DYRK1B: variants seen among roughly 807,000 people sequenced by gnomAD.
DYRK1B encodes the protein dual specificity tyrosine phosphorylation regulated kinase 1B, also known as dual specificity tyrosine-phosphorylation-regulated kinase 1B.
In DYRK1B, 20 loss-of-function variants were observed where a neutral mutation model predicts 57.1. That is an observed-to-expected ratio of 0.35 (90% CI 0.25 to 0.51). DYRK1B has a LOEUF of 0.51. Among genes scored for constraint, DYRK1B ranks in the 20% least tolerant of loss-of-function variants. The pLI is 0.96. For missense variants in DYRK1B, 732 were observed against 886.3 expected (o/e 0.83, Z 2.21); for synonymous variants, 409 against 384.7 (o/e 1.06, Z -0.74).
Position 39,832,087 on chromosome 19 carries a change from A to C in DYRK1B, c.-101-119T>G, listed in dbSNP as rs1332461122. On this transcript the variant is annotated intron_variant, in intron 1 of 10. Coordinates refer to ENST00000323039, the MANE Select transcript of DYRK1B (RefSeq NM_004714.3). Reference sequence around the variant, plus strand: ...ACAGAGAGAAGAGGAAAAGGGCACAACGGAGCAGCAGATAGCAATGAAGAG... The same window carrying C: ...ACAGAGAGAAGAGGAAAAGGGCACACCGGAGCAGCAGATAGCAATGAAGAG... The C allele has an allele frequency of 4.4e-6, 5 of 1,145,604 alleles. No homozygotes were observed. The Admixed American group carries it at 1.1e-4, about 25-fold the overall frequency. The allele number at this position is 1,145,604 out of a possible 1,614,324, so 71.0% of individuals were successfully genotyped here.
At chr19:39,827,198 A>T in intron 8 of DYRK1B, 87 bp downstream of exon 8, 1 of 1,484,618 alleles carries the variant, frequency 6.7e-7, no homozygotes, top group Non-Finnish European at 9.1e-7. Flanking sequence ...AGGGAAAGAC[A>T]CAAGGGAGAG....
At position 39,828,289 on chromosome 19, in the gene DYRK1B, C is replaced by A. The variant is rs763375868; in HGVS notation, c.807+8G>T. The A allele has an allele frequency of 1.2e-6, 2 of 1,613,532 alleles. No individual in the cohort carries two copies. Among genetic ancestry groups the A allele is most frequent in the East Asian group, 2.2e-5 (1 of 44,880 alleles). ...TAGCCGTGCTCCCAGGACCGGGCCG[C>A]CCCCTACCCTCTGGCCAAGCTGGCA... On this transcript the variant is annotated splice_region_variant and intron_variant, in intron 6 of 10. Transcript: ENST00000323039. This position sits in a 1 kb window ranked among gnomAD's most constrained non-coding sequence, Gnocchi z 4.3.
chr19:39,829,524 GC>G (rs1031812982), intron 5 of DYRK1B, among the ~76,000 whole-genome samples: 88 of 152,284 alleles, frequency 5.8e-4, no homozygotes, highest in Middle Eastern at 3.4e-3. Context: ...ACTGTGCCCA[GC>G]CCGTTTTGTT....
At chr19:39,833,451 C>T in intron 1 of DYRK1B, 2 of 604,126 alleles carry the variant, frequency 3.3e-6, no homozygotes, top group Non-Finnish European at 4.2e-6. Context: ...ACAACAGCAG[C>T]CGCCACTGCC....
Position 39,827,295 on chromosome 19 carries a change from T to A in DYRK1B, c.1085A>T (p.Glu362Val), listed in dbSNP as rs775029488. 2 of 1,611,048 alleles carry A rather than the reference T, an allele frequency of 1.2e-6. No homozygotes were observed. The highest frequency in any genetic ancestry group is 3.3e-5 in the Admixed American group (2 of 59,926). The change falls in exon 8 of 11, where the codon GAA (glutamate) becomes GTA (valine). Residue 362 changes from glutamate to valine, a missense_variant. Coordinates refer to ENST00000323039, the MANE Select transcript of DYRK1B (RefSeq NM_004714.3). ...GGGWTLRRTKELRKDYQGPGT... is the reference protein window; with the variant it reads ...GGGWTLRRTKVLRKDYQGPGT... ...GGGCAGGGGCCGCACCTTCCTGAGT[T>A]CTTTCGTCCTTCGTAGGGTCCAGCC...
chr19:39,833,348 C>A, intron 1 of DYRK1B: 1 of 985,510 alleles, frequency 1.0e-6, no homozygotes, highest in Non-Finnish European at 1.2e-6. Flanking sequence ...GCCAGCATGG[C>A]GGCGGTGGCG....
Position 39,827,226 on chromosome 19 carries a change from C to G in DYRK1B, c.1095+59G>C, listed in dbSNP as rs1968583201. 2.6e-6 allele frequency: 4 copies of G among 1,550,120 alleles called. No individual in the cohort carries two copies. The Admixed American group carries it at 5.5e-5, about 21-fold the overall frequency. ...AGGGAGAGGGAGCAGGGGGAGAGAG[C>G]CCCAAGTGTGAGTGAGGGGCCACGG... On this transcript the variant is annotated intron_variant, in intron 8 of 10. Coordinates refer to ENST00000323039, the MANE Select transcript of DYRK1B (RefSeq NM_004714.3).
chr19:39,825,988 C>T lies in DYRK1B; in HGVS notation c.1617G>A (p.Gly539=). 1 of 1,524,046 alleles carries T rather than the reference C, an allele frequency of 6.6e-7. No individual in the cohort carries two copies. Among genetic ancestry groups the T allele is most frequent in the Non-Finnish European group, 8.8e-7 (1 of 1,138,216 alleles). The allele number at this position is 1,524,046 out of a possible 1,614,324, so 94.4% of individuals were successfully genotyped here. The change falls in exon 11 of 11, where the codon GGG becomes GGA. Residue 539 remains glycine, a synonymous_variant. Transcript: ENST00000323039. ...ATCGGGGCTGGGGGGGTAACTGGGCCCCGGTCCCAGGCAGTGACGAGGCAG... is the reference window on the plus strand; with the variant it reads ...ATCGGGGCTGGGGGGGTAACTGGGCTCCGGTCCCAGGCAGTGACGAGGCAG... ...PASASSLPGT[G]AQLPPQPRYL... is the part of the protein sequence containing the mutation.
rs76809690 is a variant in DYRK1B, at chr19:39,832,541, A to C, written c.-101-573T>G. 3.3e-3 allele frequency among the ~76,000 whole-genome samples: 503 copies of C among 152,104 alleles called. 1 individual carries two copies. The highest frequency in any genetic ancestry group is 0.012 in the African/African-American group (478 of 41,482). Reference sequence around the variant, plus strand: ...AAACCACATGAGTCTTCCCCTCCCAAACCACAGCAGAGTCCTCTGCAGCCC... The same window carrying C: ...AAACCACATGAGTCTTCCCCTCCCACACCACAGCAGAGTCCTCTGCAGCCC... On this transcript the variant is annotated intron_variant, in intron 1 of 10. Coordinates refer to ENST00000323039, the MANE Select transcript of DYRK1B (RefSeq NM_004714.3).
chr19:39,830,269 G>T, intron 4 of DYRK1B, 106 bp downstream of exon 4: 1 of 1,432,538 alleles, frequency 7.0e-7, no homozygotes, highest in Non-Finnish European at 9.7e-7. Flanking sequence ...GAAACTAAGT[G>T]GGCTAGGGTG....
Position 39,826,150 on chromosome 19 carries a change from C to A in DYRK1B, c.1518+30G>T. On this transcript the variant is annotated intron_variant, in intron 10 of 10. Transcript: ENST00000323039. The surrounding 1 kb of genome is among the most constrained non-coding windows in gnomAD (Gnocchi z 6.3). ...GTCTCTAAGCCCCAGGCACCACCAC[C>A]CACCTCCAAAGCCCCCAAAGCCCCA... The A allele has an allele frequency of 6.3e-7, 1 of 1,585,306 alleles. No individual in the cohort carries two copies. The highest frequency in any genetic ancestry group is 1.8e-5 in the Admixed American group (1 of 54,464).
Position 39,828,672 on chromosome 19 carries a change from C to G in DYRK1B, c.521-89G>C. 1 of 1,372,238 alleles carries G rather than the reference C, an allele frequency of 7.3e-7. No individual in the cohort carries two copies. The highest frequency in any genetic ancestry group is 1.0e-6 in the Non-Finnish European group (1 of 1,003,200). The allele number at this position is 1,372,238 out of a possible 1,614,324, so 85.0% of individuals were successfully genotyped here. A position where few individuals can be genotyped will look rare whatever the true frequency, so the allele number is the denominator to read the frequency against. On this transcript the variant is annotated intron_variant, in intron 5 of 10. Transcript: ENST00000323039. This position sits in a 1 kb window ranked among gnomAD's most constrained non-coding sequence, Gnocchi z 4.3. ...GGGGTCATACAACGCTCTTTGATTA[C>G]TAGCCACATTGTGCTGTCCCCACGG... is the stretch of plus-strand genomic sequence containing the variant.
At chr19:39,832,226 T>G (rs539292932) in intron 1 of DYRK1B, among the ~76,000 whole-genome samples, 9 of 151,610 alleles carry the variant, frequency 5.9e-5, no homozygotes, top group Non-Finnish European at 1.2e-4. Context: ...AAGACAATGA[T>G]TGGGGGCCAA....
intron 5 of DYRK1B, 174 bp downstream of exon 5, chr19:39,829,706 G>A (rs913475217): frequency 2.1e-5 from 16 of 747,670 alleles, no homozygotes; most frequent in East Asian, 2.8e-5. Context: ...AAGAAAATAG[G>A]ACAAAAATCA....
chr19:39,826,856 C>A lies in DYRK1B; in HGVS notation c.1227G>T (p.Leu409=). 1 of 1,458,804 alleles carries A rather than the reference C, an allele frequency of 6.9e-7. No individual in the cohort carries two copies. Among genetic ancestry groups the A allele is most frequent in the South Asian group, 1.4e-5 (1 of 72,778 alleles). The allele number at this position is 1,458,804 out of a possible 1,614,324, so 90.4% of individuals were successfully genotyped here. A position where few individuals can be genotyped will look rare whatever the true frequency, so the allele number is the denominator to read the frequency against. ...CGGCGGGCTCATACTCCAGCATGCG[C>A]AGCACCAGGTCCTGGAAGCGGAGGT... The part of the protein sequence containing the change: ...ADYLRFQDLV[L]RMLEYEPAAR... The change falls in exon 9 of 11, where the codon CTG becomes CTT. Residue 409 remains leucine (L), a synonymous_variant. Coordinates refer to ENST00000323039, the MANE Select transcript of DYRK1B (RefSeq NM_004714.3). This position sits in a 1 kb window ranked among gnomAD's most constrained non-coding sequence, Gnocchi z 6.3.
intron 5 of DYRK1B, 88 bp downstream of exon 5, chr19:39,829,792 G>C (rs780516029): frequency 3.9e-5 from 57 of 1,473,390 alleles, no homozygotes; most frequent in Non-Finnish European, 5.0e-5. Flanking sequence ...GCCTCCTCCT[G>C]AGAGTAGGGC....
At position 39,825,512 on chromosome 19, in the gene DYRK1B, C is replaced by G; in HGVS notation, c.*203G>C. 3.4e-6 allele frequency: 2 copies of G among 588,198 alleles called. No homozygotes were observed. Among genetic ancestry groups the G allele is most frequent in the South Asian group, 2.1e-5 (1 of 48,436 alleles). The allele number at this position is 588,198 out of a possible 1,614,324, so 36.4% of individuals were successfully genotyped here. A position where few individuals can be genotyped will look rare whatever the true frequency, so the allele number is the denominator to read the frequency against. ...AATAGAAAAAAAGGGGGAGAGGGGC[C>G]CAAGGGTCCAGTCCTTAGTGGGGAG... On this transcript the variant is annotated 3_prime_UTR_variant, in exon 11 of 11. Transcript: ENST00000323039.
intron 1 of DYRK1B, among the ~76,000 whole-genome samples, chr19:39,832,531 TC>T (rs1309797591): frequency 6.6e-6 from 1 of 151,822 alleles, no homozygotes; most frequent in Non-Finnish European, 1.5e-5. Flanking sequence ...ACATGAGTCT[TC>T]CCCTCCCAAA....
intron 1 of DYRK1B, 130 bp from the exon 2 acceptor site, chr19:39,832,098 G>T: frequency 9.6e-7 from 1 of 1,040,962 alleles, no homozygotes; most frequent in Non-Finnish European, 1.3e-6. Flanking sequence ...CGGAGCAGCA[G>T]ATAGCAATGA....
Sources: gnomAD v4.1 joint callset for allele counts (sites outside exome capture counted in the v4.1 genomes callset) on GRCh38, gnomAD v4.1.1 for gene constraint, Gnocchi (gnomAD v3.1) non-coding constraint, MANE v1.5 for transcripts, NCBI Gene and HGNC (gene_info 2026-07-23, HGNC 2026-07-21) for gene names.